Variants in INO80D observed in about 807,000 individuals in gnomAD.
INO80D encodes INO80 complex subunit D.
INO80D carries 21 observed loss-of-function variants against 87.6 expected under a neutral mutation model. The ratio of observed to expected loss-of-function variants is 0.24; its 90% CI spans 0.17 to 0.35. The LOEUF (loss-of-function observed/expected upper bound fraction) is 0.35. INO80D is among the 10% of genes least tolerant of loss of function. The pLI, the probability that INO80D is intolerant of heterozygous loss-of-function variation, is 1.00. For synonymous variants in INO80D, 440 were observed against 491.0 expected (o/e 0.90, Z 1.37); for missense variants, 982 against 1,280.7 (o/e 0.77, Z 3.56).
intron 6 of INO80D, among the ~76,000 whole-genome samples, chr2:206,024,622 T>C (rs1218604040): frequency 6.6e-6 from 1 of 152,100 alleles, no homozygotes; most frequent in East Asian, 1.9e-4. Flanking sequence ...CAACTGAAAA[T>C]TAGGTCACTT....
intron 3 of INO80D, among the ~76,000 whole-genome samples, 158 bp from the exon 4 acceptor site, chr2:206,057,101 A>G (rs1160469273): frequency 2.0e-5 from 3 of 152,224 alleles, no homozygotes; most frequent in African/African-American, 4.8e-5. Flanking sequence ...ACTTTCAAGC[A>G]GTCCTCAAAG....
intron 5 of INO80D, among the ~76,000 whole-genome samples, chr2:206,045,286 T>C (rs1689165651): frequency 6.6e-6 from 1 of 152,252 alleles, no homozygotes; most frequent in Admixed American, 6.5e-5. Context: ...CAGATTAGTC[T>C]CTAGTGAATC....
intron 10 of INO80D, among the ~76,000 whole-genome samples, chr2:206,006,116 T>C (rs962040566): frequency 2.0e-5 from 3 of 152,172 alleles, no homozygotes; most frequent in African/African-American, 7.2e-5. Flanking sequence ...CCTCATCCTC[T>C]TCCCATTTCT....
chr2:206,041,231 TTTAAG>T (rs1689041134), intron 5 of INO80D, among the ~76,000 whole-genome samples: 4 of 152,024 alleles, frequency 2.6e-5, no homozygotes, highest in Non-Finnish European at 5.9e-5. Flanking sequence ...TCATATTAAA[TTTAAG>T]TTGTCTAAAT....
chr2:206,004,539 T>C lies in INO80D; in HGVS notation c.2913A>G (p.Gln971=), dbSNP rs776643828. The change falls in exon 11 of 11, where the codon CAA becomes CAG. Residue 971 remains glutamine, a synonymous_variant. Transcript: ENST00000403263. The surrounding 1 kb of genome is among the most constrained non-coding windows in gnomAD (Gnocchi z 4.9). ...ELMASTSPKQ[Q]LPQFSAAFGH... is the part of the protein sequence containing the mutation. ...CAAAGGCTGCGCTGAACTGAGGGAGTTGCTGCTTGGGAGAGGTGGAGGCCA... is the reference window on the plus strand; with the variant it reads ...CAAAGGCTGCGCTGAACTGAGGGAGCTGCTGCTTGGGAGAGGTGGAGGCCA... 5 of 1,610,318 alleles carry C rather than the reference T, an allele frequency of 3.1e-6. No individual in the cohort carries two copies. In the African/African-American group the frequency reaches 5.4e-5, roughly 17 times the overall value.
chr2:206,037,117 A>G (rs1294825567), intron 5 of INO80D, among the ~76,000 whole-genome samples: 2 of 152,258 alleles, frequency 1.3e-5, no homozygotes, highest in East Asian at 3.9e-4. Context: ...CTTTCTTTCC[A>G]TATCTGTGAA....
chr2:206,066,214 C>T (rs1214584447), intron 1 of INO80D, among the ~76,000 whole-genome samples: 1 of 151,724 alleles, frequency 6.6e-6, no homozygotes, highest in African/African-American at 2.4e-5. Context: ...GCTGAGATCG[C>T]AACACTGCAC....
At chr2:206,024,367 C>T (rs961138187) in intron 6 of INO80D, among the ~76,000 whole-genome samples, 8 of 151,904 alleles carry the variant, frequency 5.3e-5, no homozygotes, top group Non-Finnish European at 1.2e-4. Context: ...CTAACATAGT[C>T]CAGGGAATCA....
chr2:206,070,167 T>C (rs569449358), intron 1 of INO80D, among the ~76,000 whole-genome samples: 3 of 152,078 alleles, frequency 2.0e-5, no homozygotes, highest in Non-Finnish European at 2.9e-5. Context: ...TCCCAGCACT[T>C]TGGGAGGCCG....
intron 1 of INO80D, among the ~76,000 whole-genome samples, chr2:206,083,985 T>C (rs1307342935): frequency 6.6e-6 from 1 of 150,420 alleles, no homozygotes; most frequent in Non-Finnish European, 1.5e-5. Context: ...ATGTCAACAC[T>C]CAAGAACAAC....
chr2:206,026,303 T>A (rs1002181248), intron 6 of INO80D, among the ~76,000 whole-genome samples: 17 of 152,158 alleles, frequency 1.1e-4, no homozygotes, highest in Non-Finnish European at 2.2e-4. Context: ...CCCAGGACTT[T>A]GGGAGGCCAA....
At chr2:206,053,343 T>C (rs1689425348) in intron 4 of INO80D, among the ~76,000 whole-genome samples, 1 of 152,116 alleles carries the variant, frequency 6.6e-6, no homozygotes, top group Non-Finnish European at 1.5e-5. Flanking sequence ...GAAAATACAT[T>C]AGTATGAAAA....
At chr2:206,066,369 A>G (rs1275084905) in intron 1 of INO80D, among the ~76,000 whole-genome samples, 3 of 152,340 alleles carry the variant, frequency 2.0e-5, no homozygotes, top group East Asian at 1.9e-4. Context: ...CATCAAAGAG[A>G]TATCTGCACT....
chr2:206,061,744 T>A (rs1328887381), intron 3 of INO80D, among the ~76,000 whole-genome samples: 1 of 152,232 alleles, frequency 6.6e-6, no homozygotes, highest in African/African-American at 2.4e-5. Flanking sequence ...TATTTCATAC[T>A]GCAAGTGTAA....
intron 7 of INO80D, among the ~76,000 whole-genome samples, chr2:206,018,566 G>C (rs1210870024): frequency 6.6e-6 from 1 of 152,026 alleles, no homozygotes; most frequent in Non-Finnish European, 1.5e-5. Context: ...TGAATATTTT[G>C]CTTCACACTT....
At chr2:206,059,224 T>C (rs1689618694) in intron 3 of INO80D, among the ~76,000 whole-genome samples, 1 of 151,844 alleles carries the variant, frequency 6.6e-6, no homozygotes, top group African/African-American at 2.4e-5. Context: ...CTACTAAAAA[T>C]ACAAAAATTA....
At position 206,062,345 on chromosome 2, in the gene INO80D, C is replaced by A. The variant is rs1689711176; in HGVS notation, c.218+454G>T. On this transcript the variant is annotated intron_variant, in intron 3 of 10. Transcript: ENST00000403263. The surrounding 1 kb of genome is among the most constrained non-coding windows in gnomAD (Gnocchi z 4.6). ...CTAACTTCTAGGCATAGATTTTAAA[C>A]TCCAAAATTGCTATCATTAATTATA... is the stretch of plus-strand genomic sequence containing the variant. Among the ~76,000 whole-genome samples, 2 of 152,064 alleles carry A rather than the reference C, an allele frequency of 1.3e-5. No homozygotes were observed. Among genetic ancestry groups the A allele is most frequent in the African/African-American group, 4.8e-5 (2 of 41,422 alleles).
intron 10 of INO80D, among the ~76,000 whole-genome samples, chr2:206,006,749 T>G (rs568847087): frequency 1.8e-4 from 27 of 151,876 alleles, no homozygotes. Context: ...GTATTCACTT[T>G]AAAGAAACAA....
At position 206,017,780 on chromosome 2, in the gene INO80D, G is replaced by A. The variant is rs766828633; in HGVS notation, c.1442C>T (p.Ser481Leu). Residue 481 changes from serine to leucine, a missense_variant, in exon 8 of 11, where the codon TCA becomes TTA. Physicochemically the swap from Ser to Leu is moderately radical, Grantham distance 145. Coordinates refer to ENST00000403263, the MANE Select transcript of INO80D (RefSeq NM_017759.5). ...ATCTGCAAACTTGGCTGTGCAACTT[G>A]AGAAGAGCTGCTGAGAGTGGTTCAA... is the stretch of plus-strand genomic sequence containing the variant. ...ILLNHSQQLF[S>L]SCTAKFADGQ... 9.9e-6 allele frequency: 16 copies of A among 1,613,508 alleles called. No individual in the cohort carries two copies. The highest frequency in any genetic ancestry group is 1.4e-5 in the Non-Finnish European group (16 of 1,179,770).
Sources: gnomAD v4.1 joint callset for allele counts (sites outside exome capture counted in the v4.1 genomes callset) on GRCh38, gnomAD v4.1.1 for gene constraint, Gnocchi (gnomAD v3.1) non-coding constraint, MANE v1.5 for transcripts, NCBI Gene and HGNC (gene_info 2026-07-23, HGNC 2026-07-21) for gene names.